Variants in SEL1L3 observed in about 807,000 individuals in gnomAD.
SEL1L3 encodes the protein protein sel-1 homolog 3.
Under a neutral mutation model 142.8 loss-of-function variants are expected in SEL1L3, and 76 were observed. The ratio of observed to expected loss-of-function variants is 0.53; its 90% confidence interval spans 0.44 to 0.64. The LOEUF (loss-of-function observed/expected upper bound fraction) is 0.64. Among genes scored for constraint, SEL1L3 ranks in the 30% least tolerant of loss-of-function variants. The pLI, the probability that SEL1L3 is intolerant of heterozygous loss-of-function variation, is 0.00. For missense variants in SEL1L3, 1,262 were observed against 1,381.7 expected (o/e 0.91, Z 1.37); for synonymous variants, 504 against 519.6 (o/e 0.97, Z 0.41).
intron 11 of SEL1L3, among the ~76,000 whole-genome samples, chr4:25,799,127 T>A (rs1243679501): frequency 6.6e-6 from 1 of 152,082 alleles, no homozygotes; most frequent in Non-Finnish European, 1.5e-5. Context: ...CAGGCTGGAG[T>A]GCAGTGGCAT....
chr4:25,861,916 G>T (rs2168524), intron 1 of SEL1L3: 83,035 of 151,936 alleles, frequency 0.55, 22,803 homozygotes, highest in South Asian at 0.65. Flanking sequence ...TAAAATAAAT[G>T]GGTTTTGAAA....
At chr4:25,715,140 G>C in the SEL1L3 span, among the ~76,000 whole-genome samples, 6 of 152,070 alleles carry the variant, frequency 3.9e-5, no homozygotes, top group Non-Finnish European at 7.4e-5. Flanking sequence ...GTGGTCTTAA[G>C]AATCTAAAAA....
At chr4:25,822,201 G>C in intron 6 of SEL1L3, 73 bp from the exon 7 acceptor site, 1 of 1,573,840 alleles carries the variant, frequency 6.4e-7, no homozygotes, top group Non-Finnish European at 8.7e-7. Flanking sequence ...CTCTTTCCTA[G>C]ACCCTCCTTG....
chr4:25,849,709 TA>T (rs1716759784), intron 1 of SEL1L3, among the ~76,000 whole-genome samples: 1 of 152,138 alleles, frequency 6.6e-6, no homozygotes, highest in African/African-American at 2.4e-5. Flanking sequence ...TACCACAATT[TA>T]AAAGAAAAAA....
chr4:25,809,989 T>C (rs1713908140), intron 9 of SEL1L3, among the ~76,000 whole-genome samples: 1 of 152,212 alleles, frequency 6.6e-6, no homozygotes, highest in African/African-American at 2.4e-5. Context: ...TGGCGTATTG[T>C]GTGGGGACAC....
At chr4:25,857,223 A>G (rs1717324016) in intron 1 of SEL1L3, among the ~76,000 whole-genome samples, 3 of 152,320 alleles carry the variant, frequency 2.0e-5, no homozygotes, top group South Asian at 4.1e-4. Context: ...GATGATGTCA[A>G]TACAGACTTC....
At chr4:25,776,240 G>C in intron 17 of SEL1L3, 37 bp downstream of exon 17, 1 of 1,395,948 alleles carries the variant, frequency 7.2e-7, no homozygotes, top group Non-Finnish European at 1.0e-6. Flanking sequence ...TGACAGACAG[G>C]GAAAAAAGTT....
At chr4:25,784,046 T>C (rs536883288) in intron 14 of SEL1L3, among the ~76,000 whole-genome samples, 182 bp downstream of exon 14, 2 of 152,338 alleles carry the variant, frequency 1.3e-5, no homozygotes, top group South Asian at 2.1e-4. Context: ...TCTGTATGTA[T>C]TGTAACTAAA....
In SEL1L3 at chr4:25,782,129, C is replaced by T. The variant is rs117112024; in HGVS notation, c.2457+113G>A. On this transcript the variant is annotated intron_variant, in intron 15 of 23. Transcript: ENST00000399878. ...TTCCTACGAGACCCTCTGAGCTCCTCGAGGACAGGGACTGTGTCTGGGGTT... is the reference window on the plus strand; with the variant it reads ...TTCCTACGAGACCCTCTGAGCTCCTTGAGGACAGGGACTGTGTCTGGGGTT... 545 of 930,072 alleles carry T rather than the reference C, an allele frequency of 5.9e-4. 4 individuals are homozygous for T. In the East Asian group the frequency reaches 0.012, roughly 21 times the overall value. 57.6% of individuals were successfully genotyped at this position (930,072 alleles called of 1,614,324 possible). A position where few individuals can be genotyped will look rare whatever the true frequency, so the allele number is the denominator to read the frequency against.
intron 9 of SEL1L3, among the ~76,000 whole-genome samples, chr4:25,813,396 C>T (rs12508185): frequency 0.29 from 43,953 of 152,074 alleles, 6,708 homozygotes; most frequent in Admixed American, 0.35. Context: ...TTCTAACACA[C>T]ACTGCAACAG....
intron 23 of SEL1L3, among the ~76,000 whole-genome samples, chr4:25,754,444 G>A (rs111855622): frequency 6.6e-6 from 1 of 151,436 alleles, no homozygotes; most frequent in African/African-American, 2.4e-5. Flanking sequence ...CGTCTCCGGG[G>A]TTCAAGCGAT....
intron 23 of SEL1L3, among the ~76,000 whole-genome samples, chr4:25,751,712 T>C (rs1156413026): frequency 1.3e-5 from 2 of 150,282 alleles, no homozygotes; most frequent in Non-Finnish European, 3.0e-5. Context: ...TATATAAGTA[T>C]ATATGATGAA....
At chr4:25,841,697 C>T (rs1716173959) in intron 2 of SEL1L3, among the ~76,000 whole-genome samples, 2 of 152,148 alleles carry the variant, frequency 1.3e-5, no homozygotes, top group African/African-American at 4.8e-5. Flanking sequence ...GTTCACCCAG[C>T]ACTTTGTAAT....
At chr4:25,732,938 G>C in the SEL1L3 span, among the ~76,000 whole-genome samples, 3 of 152,066 alleles carry the variant, frequency 2.0e-5, no homozygotes, top group Non-Finnish European at 4.4e-5. Flanking sequence ...TAGAGATGGG[G>C]TTTCACCATG....
chr4:25,778,997 C>A, intron 16 of SEL1L3, 79 bp downstream of exon 16: 1 of 1,326,850 alleles, frequency 7.5e-7, no homozygotes, highest in Non-Finnish European at 1.0e-6. Flanking sequence ...AAATAAAGAA[C>A]TCAACTTAAA....
At chr4:25,724,768 AAAAGG>A in the SEL1L3 span, among the ~76,000 whole-genome samples, 7 of 47,302 alleles carry the variant, frequency 1.5e-4, 1 homozygote, top group East Asian at 4.1e-4. Context: ...AAAAAAAAAA[AAAAGG>A]AAAAGAAATT....
the SEL1L3 span, among the ~76,000 whole-genome samples, chr4:25,736,000 T>G: frequency 2.0e-5 from 3 of 151,488 alleles, no homozygotes; most frequent in Non-Finnish European, 4.4e-5. Context: ...TGGCTAATAT[T>G]GTGTATTTTT....
At chr4:25,741,292 C>T in the SEL1L3 span, among the ~76,000 whole-genome samples, 6 of 151,418 alleles carry the variant, frequency 4.0e-5, no homozygotes, top group African/African-American at 7.3e-5. Context: ...TTAGTAGAGA[C>T]GGAGTTTTAC....
chr4:25,756,329 T>C, intron 23 of SEL1L3: 1 of 985,342 alleles, frequency 1.0e-6, no homozygotes, highest in Non-Finnish European at 1.2e-6. Flanking sequence ...TTATCACAAA[T>C]GACACGACTG....
Sources: gnomAD v4.1 joint callset for allele counts (sites outside exome capture counted in the v4.1 genomes callset) on GRCh38, gnomAD v4.1.1 for gene constraint, MANE v1.5 for transcripts, NCBI Gene and HGNC (gene_info 2026-07-23, HGNC 2026-07-21) for gene names.